Variants in CGNL1 observed in about 807,000 individuals in gnomAD.
The protein encoded by CGNL1 is cingulin like 1, also known as cingulin-like protein 1.
CGNL1 carries 132 observed loss-of-function variants against 141.2 expected under a neutral mutation model. That is an observed-to-expected ratio of 0.93 (90% confidence interval 0.81 to 1.08). The LOEUF (loss-of-function observed/expected upper bound fraction) is 1.08. Among genes scored for constraint, CGNL1 ranks in the 50% least tolerant of loss-of-function variants. The pLI, the probability that CGNL1 is intolerant of heterozygous loss-of-function variation, is 0.00. For missense variants in CGNL1, 1,870 were observed against 1,588.6 expected (o/e 1.18, Z -3.01); for synonymous variants, 690 against 622.1 (o/e 1.11, Z -1.63).
chr15:57,459,075 T>C (rs566073426), intron 7 of CGNL1, among the ~76,000 whole-genome samples: 3 of 152,342 alleles, frequency 2.0e-5, no homozygotes, highest in African/African-American at 7.2e-5. Flanking sequence ...GACACAATTC[T>C]GGAATGGAAA....
At chr15:57,452,798 T>C (rs1276356231) in intron 6 of CGNL1, among the ~76,000 whole-genome samples, 1 of 152,078 alleles carries the variant, frequency 6.6e-6, no homozygotes, top group African/African-American at 2.4e-5. Flanking sequence ...GGCAAAGGAA[T>C]CGAAAACCAA....
intron 10 of CGNL1, among the ~76,000 whole-genome samples, chr15:57,522,220 G>A (rs890569445): frequency 5.3e-5 from 8 of 152,144 alleles, no homozygotes; most frequent in Non-Finnish European, 8.8e-5. Flanking sequence ...TCAGCAGGTC[G>A]GCCACGTTGG....
At chr15:57,445,446 G>A (rs2063239074) in intron 4 of CGNL1, among the ~76,000 whole-genome samples, 1 of 152,124 alleles carries the variant, frequency 6.6e-6, no homozygotes, top group Admixed American at 6.5e-5. Flanking sequence ...TTTTATCTTT[G>A]CGGTGTCACT....
chr15:57,531,894 A>C lies in CGNL1; in HGVS notation c.3291+115A>C, dbSNP rs957676006. ...AGAGAAAAATTCATGCCATCTAGAAATTGATGGAAGATTGAATAGTCATCA... is the reference window on the plus strand; with the variant it reads ...AGAGAAAAATTCATGCCATCTAGAACTTGATGGAAGATTGAATAGTCATCA... On this transcript the variant is annotated intron_variant, in intron 14 of 18. Coordinates refer to ENST00000281282, the MANE Select transcript of CGNL1 (RefSeq NM_032866.5). 1.2e-5 allele frequency: 8 copies of C among 671,082 alleles called. No homozygotes were observed. The African/African-American group carries it at 1.3e-4, about 11-fold the overall frequency. The allele number at this position is 671,082 out of a possible 1,614,324, so 41.6% of individuals were successfully genotyped here. A position where few individuals can be genotyped will look rare whatever the true frequency, so the allele number is the denominator to read the frequency against.
In CGNL1 at chr15:57,442,182, G is replaced by GAAAAAAAAAAAAAAAAAAAAA. The variant is rs61564944; in HGVS notation, c.1698-190_1698-170dup. ...TTGAGTGGTAACACATCATTTATTT[G>GAAAAAAAAAAAAAAAAAAAAA]AAAAAAAAAAAAAAAAAAAAAGACA... On this transcript the variant is annotated intron_variant, in intron 3 of 18. Coordinates refer to ENST00000281282, the MANE Select transcript of CGNL1 (RefSeq NM_032866.5). Among the ~76,000 whole-genome samples the GAAAAAAAAAAAAAAAAAAAAA allele has an allele frequency of 3.1e-4, 30 of 96,508 alleles. 2 individuals are homozygous for GAAAAAAAAAAAAAAAAAAAAA. The highest frequency in any genetic ancestry group is 1.2e-3 in the African/African-American group (28 of 23,300). The allele number at this position is 96,508 out of a possible 152,430, so 63.3% of individuals were successfully genotyped here. A position where few individuals can be genotyped will look rare whatever the true frequency, so the allele number is the denominator to read the frequency against.
chr15:57,471,500 C>T (rs2063580507), intron 8 of CGNL1, among the ~76,000 whole-genome samples: 1 of 152,216 alleles, frequency 6.6e-6, no homozygotes, highest in African/African-American at 2.4e-5. Flanking sequence ...CTCGATGACT[C>T]AAAATCACAG....
chr15:57,436,873 C>G (rs1340965661), intron 1 of CGNL1, among the ~76,000 whole-genome samples: 1 of 152,050 alleles, frequency 6.6e-6, no homozygotes, highest in Middle Eastern at 3.2e-3. Flanking sequence ...ATGATTTATC[C>G]TACCCAAATT....
At chr15:57,444,587 T>G (rs180767981) in intron 4 of CGNL1, among the ~76,000 whole-genome samples, 122 of 152,328 alleles carry the variant, frequency 8.0e-4, no homozygotes, top group African/African-American at 2.8e-3. Flanking sequence ...CAGCCTGAAC[T>G]GGGTAAGTCA....
At chr15:57,496,943 A>T (rs1280372) in intron 8 of CGNL1, among the ~76,000 whole-genome samples, 146,737 of 152,256 alleles carry the variant, frequency 0.96, 70,899 homozygotes, top group Non-Finnish European at 1. Flanking sequence ...GCACAGCAAC[A>T]GCTCTGTGGT....
intron 8 of CGNL1, among the ~76,000 whole-genome samples, chr15:57,479,454 AG>A (rs1260269685): frequency 6.6e-6 from 1 of 152,200 alleles, no homozygotes; most frequent in Non-Finnish European, 1.5e-5. Context: ...TCCTGAGGTC[AG>A]GGGCTCAAGA....
chr15:57,537,110 C>T (rs1407440983), intron 14 of CGNL1, among the ~76,000 whole-genome samples: 1 of 152,200 alleles, frequency 6.6e-6, no homozygotes, highest in African/African-American at 2.4e-5. Context: ...TGCTTCACAG[C>T]AGAGCTGGGC....
At chr15:57,435,445 T>C (rs1276563939) in intron 1 of CGNL1, among the ~76,000 whole-genome samples, 1 of 150,812 alleles carries the variant, frequency 6.6e-6, no homozygotes, top group Non-Finnish European at 1.5e-5. Flanking sequence ...GGGCAGTGTG[T>C]TCAGGATCAG....
chr15:57,392,526 A>C (rs1401303289), intron 1 of CGNL1, among the ~76,000 whole-genome samples: 3 of 152,216 alleles, frequency 2.0e-5, no homozygotes, highest in Non-Finnish European at 2.9e-5. Context: ...GTCAGCAAGA[A>C]AGTACATTCT....
At chr15:57,538,825 T>C (rs1233346875) in intron 14 of CGNL1, among the ~76,000 whole-genome samples, 3 of 152,196 alleles carry the variant, frequency 2.0e-5, no homozygotes, top group African/African-American at 7.2e-5. Flanking sequence ...TAAACTCTCC[T>C]TGTGGGTCTT....
chr15:57,391,307 C>T lies in CGNL1; in HGVS notation c.-16+14740C>T, dbSNP rs10152446. 1.6e-3 allele frequency among the ~76,000 whole-genome samples: 239 copies of T among 152,268 alleles called. 8 individuals carry two copies. The South Asian group carries it at 0.043, about 27-fold the overall frequency. ...TCGTGCCCATAAGGGATGACATAGG[C>T]GAAGCAGAATGAGTGAAATACTGGC... On this transcript the variant is annotated intron_variant, in intron 1 of 18. Coordinates refer to ENST00000281282, the MANE Select transcript of CGNL1 (RefSeq NM_032866.5).
chr15:57,517,092 G>A, intron 9 of CGNL1, 106 bp downstream of exon 9: 1 of 1,104,076 alleles, frequency 9.1e-7, no homozygotes, highest in Non-Finnish European at 1.3e-6. Context: ...GATGTAGTAG[G>A]AAAGGTCAAG....
rs1567157086 is a variant in CGNL1 at position 57,502,604 on chromosome 15, C to G, written c.2404-14176C>G. 1.2e-4 allele frequency among the ~76,000 whole-genome samples: 18 copies of G among 152,252 alleles called. No individual in the cohort carries two copies. The South Asian group carries it at 3.5e-3, about 30-fold the overall frequency. ...GAGAGAGGAAATAACCTTTATCTGC[C>G]ATGCAGATAATTGCAGAGATGGCTA... On this transcript the variant is annotated intron_variant, in intron 8 of 18. Transcript: ENST00000281282.
chr15:57,439,509 CTGA>C lies in CGNL1; in HGVS notation c.1513_1515del (p.Met505del), dbSNP rs760368009. On this transcript the variant is annotated inframe_deletion, in exon 2 of 19. Coordinates refer to ENST00000281282, the MANE Select transcript of CGNL1 (RefSeq NM_032866.5). The stretch of plus-strand genomic sequence containing the variant: ...GGAGGTGAAAACAGCCACCGCTACG[CTGA>C]TGTTACAGAACCGGGCAACAGCAAC... 1.2e-6 allele frequency: 2 copies of C among 1,614,218 alleles called. No homozygotes were observed. The highest frequency in any genetic ancestry group is 1.1e-5 in the South Asian group (1 of 91,090).
chr15:57,377,837 T>C (rs1370135921), intron 1 of CGNL1, among the ~76,000 whole-genome samples: 1 of 152,068 alleles, frequency 6.6e-6, no homozygotes, highest in Non-Finnish European at 1.5e-5. Context: ...TGATTTCAGA[T>C]TAAAAGGAGA....
Sources: allele counts gnomAD v4.1 joint callset (sites outside exome capture counted in the v4.1 genomes callset), GRCh38; gene constraint gnomAD v4.1.1; transcripts MANE v1.5; gene names NCBI Gene and HGNC (gene_info 2026-07-23, HGNC 2026-07-21).